Variants in IGF2BP2 observed in about 807,000 individuals in gnomAD.
The protein encoded by IGF2BP2 is insulin-like growth factor 2 mRNA-binding protein 2.
A neutral mutation model predicts 75.8 loss-of-function variants in IGF2BP2; 17 were observed. The observed-to-expected ratio is 0.22, with a 90% CI of 0.15 to 0.34. The LOEUF (loss-of-function observed/expected upper bound fraction) is 0.34, where lower values mean the gene tolerates loss of function less well. IGF2BP2 is among the 10% of genes least tolerant of loss of function. The pLI, the probability that IGF2BP2 is intolerant of heterozygous loss-of-function variation, is 1.00. For missense variants in IGF2BP2, 516 were observed against 772.4 expected, an observed-to-expected ratio of 0.67 and a Z score of 3.93; for synonymous variants, 288 against 295.6, an observed-to-expected ratio of 0.97 and a Z score of 0.26.
At chr3:185,702,476 G>C (rs1560320814) in intron 2 of IGF2BP2, among the ~76,000 whole-genome samples, 1 of 152,100 alleles carries the variant, frequency 6.6e-6, no homozygotes, top group Non-Finnish European at 1.5e-5. Flanking sequence ...ATTGGTAATA[G>C]GAAAATAATT....
chr3:185,665,953 C>T (rs556122425), intron 10 of IGF2BP2, among the ~76,000 whole-genome samples: 1 of 151,596 alleles, frequency 6.6e-6, no homozygotes, highest in South Asian at 2.1e-4. Context: ...GGTGACAGAG[C>T]GAGACTCTGT....
intron 11 of IGF2BP2, 150 bp from the exon 12 acceptor site, chr3:185,657,552 T>G (rs1182183062): frequency 1.2e-5 from 7 of 589,996 alleles, no homozygotes; most frequent in Non-Finnish European, 2.1e-5. Context: ...AGGATCCTTC[T>G]GCGGCCTGCG....
chr3:185,777,104 T>C (rs571045437), intron 2 of IGF2BP2, among the ~76,000 whole-genome samples: 1 of 152,296 alleles, frequency 6.6e-6, no homozygotes, highest in Admixed American at 6.5e-5. Context: ...AGAGAGATAG[T>C]TGCCTCCAAA....
At chr3:185,707,043 T>C (rs545056898) in intron 2 of IGF2BP2, among the ~76,000 whole-genome samples, 2 of 151,954 alleles carry the variant, frequency 1.3e-5, no homozygotes, top group East Asian at 3.9e-4. Context: ...TGCCCAGAGA[T>C]TCAGTATTTT....
intron 2 of IGF2BP2, among the ~76,000 whole-genome samples, chr3:185,719,181 C>T (rs904940015): frequency 1.3e-5 from 2 of 152,132 alleles, no homozygotes; most frequent in African/African-American, 4.8e-5. Flanking sequence ...AGAGTTTGCA[C>T]TGATACAGTA....
chr3:185,706,074 T>C (rs950949355), intron 2 of IGF2BP2, among the ~76,000 whole-genome samples: 11 of 152,192 alleles, frequency 7.2e-5, no homozygotes, highest in African/African-American at 2.7e-4. Flanking sequence ...TTGTTTCCTG[T>C]TGAAAGGAGT....
rs1178673063 is a variant in IGF2BP2 at position 185,665,254 on chromosome 3, AAGG to A, written c.1201-6848_1201-6846del. On this transcript the variant is annotated intron_variant, in intron 10 of 15. Coordinates refer to ENST00000382199, the MANE Select transcript of IGF2BP2 (RefSeq NM_006548.6). ...GGAGGAGGAGAAGGAGAAGAAGGAG[AAGG>A]AGGAGGAGGAGGAGGAGAAGGAGAA... is the stretch of plus-strand genomic sequence containing the variant. 7.1e-3 allele frequency among the ~76,000 whole-genome samples: 815 copies of A among 114,872 alleles called. 7 individuals carry two copies. The highest frequency in any genetic ancestry group is 0.012 in the African/African-American group (350 of 29,562). 75.4% of individuals were successfully genotyped at this position (114,872 alleles called of 152,430 possible).
At chr3:185,694,109 A>G (rs1722281092) in intron 4 of IGF2BP2, among the ~76,000 whole-genome samples, 1 of 152,190 alleles carries the variant, frequency 6.6e-6, no homozygotes. Context: ...GCCACTGAGA[A>G]TTACATGTAA....
In IGF2BP2 at chr3:185,689,492, G is replaced by A. The variant is rs751006892; in HGVS notation, c.540C>T (p.Gly180=). 3.7e-6 allele frequency: 6 copies of A among 1,614,076 alleles called. No individual in the cohort carries two copies. In the South Asian group the frequency reaches 5.5e-5, roughly 15 times the overall value. ...CCTGAGAAGTGCCCCCAGGGGCGTG[G>A]CCTTGCTCCCGGGAAGAGTGGTCCC... ...QRGDHSSREQ[G]HAPGGTSQAR... Residue 180 remains glycine (G), a synonymous_variant, in exon 6 of 16, where the codon GGC becomes GGT. Coordinates refer to ENST00000382199, the MANE Select transcript of IGF2BP2 (RefSeq NM_006548.6).
chr3:185,658,694 G>C (rs1002257834), intron 10 of IGF2BP2, among the ~76,000 whole-genome samples: 3 of 152,166 alleles, frequency 2.0e-5, no homozygotes, highest in African/African-American at 7.2e-5. Context: ...AACATACCAT[G>C]GGTGTGAACA....
intron 2 of IGF2BP2, among the ~76,000 whole-genome samples, chr3:185,806,302 A>G (rs898221581): frequency 2.6e-5 from 4 of 152,232 alleles, no homozygotes; most frequent in African/African-American, 9.6e-5. Flanking sequence ...AAGATAACTT[A>G]GCATCTATTC....
chr3:185,653,163 T>G (rs1714884121), intron 12 of IGF2BP2, among the ~76,000 whole-genome samples: 2 of 152,186 alleles, frequency 1.3e-5, no homozygotes, highest in Middle Eastern at 3.4e-3. Context: ...CAGGTTCTCT[T>G]GTAACACGAC....
At chr3:185,753,428 A>C (rs1226872789) in intron 2 of IGF2BP2, among the ~76,000 whole-genome samples, 1 of 152,160 alleles carries the variant, frequency 6.6e-6, no homozygotes, top group Non-Finnish European at 1.5e-5. Flanking sequence ...GATATATGAC[A>C]TACAGGGAAA....
chr3:185,782,054 C>T (rs1176810415), intron 2 of IGF2BP2, among the ~76,000 whole-genome samples: 2 of 151,990 alleles, frequency 1.3e-5, no homozygotes, highest in African/African-American at 4.8e-5. Context: ...TTTCCCATAA[C>T]CATTTAAAAC....
At chr3:185,775,602 AC>A (rs1232693687) in intron 2 of IGF2BP2, among the ~76,000 whole-genome samples, 1 of 152,202 alleles carries the variant, frequency 6.6e-6, no homozygotes, top group Non-Finnish European at 1.5e-5. Flanking sequence ...AGGAGAGGGA[AC>A]ATCATTCTGA....
At chr3:185,677,437 T>C (rs1719726274) in intron 7 of IGF2BP2, among the ~76,000 whole-genome samples, 1 of 152,004 alleles carries the variant, frequency 6.6e-6, no homozygotes, top group African/African-American at 2.4e-5. Context: ...TGAGAGGTCC[T>C]AGAACCTCTA....
At chr3:185,755,902 T>C (rs1731556188) in intron 2 of IGF2BP2, among the ~76,000 whole-genome samples, 1 of 152,224 alleles carries the variant, frequency 6.6e-6, no homozygotes, top group Non-Finnish European at 1.5e-5. Context: ...TTTGAGTTGA[T>C]GCTAGAACAA....
intron 2 of IGF2BP2, among the ~76,000 whole-genome samples, chr3:185,790,963 C>G (rs1157281080): frequency 2.0e-5 from 3 of 152,156 alleles, no homozygotes; most frequent in Non-Finnish European, 4.4e-5. Flanking sequence ...TTTAAAAGTA[C>G]TTTTTCATCA....
At chr3:185,679,328 T>A (rs1720021309) in intron 7 of IGF2BP2, among the ~76,000 whole-genome samples, 1 of 152,246 alleles carries the variant, frequency 6.6e-6, no homozygotes, top group South Asian at 2.1e-4. Flanking sequence ...AGTCATAGCA[T>A]CCTATTTTGA....
Sources: gnomAD v4.1 joint callset for allele counts (sites outside exome capture counted in the v4.1 genomes callset) on GRCh38, gnomAD v4.1.1 for gene constraint, MANE v1.5 for transcripts, NCBI Gene and HGNC (gene_info 2026-07-23, HGNC 2026-07-21) for gene names.